Variants in LRMDA observed in about 807,000 individuals in gnomAD.
LRMDA encodes the protein leucine rich melanocyte differentiation associated.
Under a neutral mutation model 29.8 loss-of-function variants are expected in LRMDA, and 18 were observed. The ratio of observed to expected loss-of-function variants is 0.60; its 90% confidence interval spans 0.42 to 0.90. The LOEUF is 0.90. LRMDA is among the 40% of genes least tolerant of loss of function. LRMDA has a pLI of 0.00. For missense variants in LRMDA, 273 were observed against 273.9 expected (o/e 1.00, Z 0.02); for synonymous variants, 125 against 109.4 (o/e 1.14, Z -0.89).
rs138987021 is a variant in LRMDA at position 76,295,522 on chromosome 10, T to C, written c.517-28879T>C. On this transcript the variant is annotated intron_variant, in intron 5 of 6. Transcript: ENST00000611255. The stretch of plus-strand genomic sequence containing the variant: ...ACCTGGATACCAGGCACAGTTTGAG[T>C]TTCTAAAAGTTGAATGAGCTTTCAT... Among the ~76,000 whole-genome samples the C allele has an allele frequency of 6.3e-4, 96 of 152,312 alleles. 1 individual carries two copies. In the East Asian group the frequency reaches 0.018, roughly 28 times the overall value.
chr10:76,349,180 A>G (rs538178018), intron 6 of LRMDA, among the ~76,000 whole-genome samples: 59 of 152,196 alleles, frequency 3.9e-4, no homozygotes, highest in Non-Finnish European at 7.2e-4. Context: ...GAGATGTTCT[A>G]ATTTGTGGGT....
At chr10:75,800,797 A>G (rs1004729672) in intron 2 of LRMDA, among the ~76,000 whole-genome samples, 4 of 152,084 alleles carry the variant, frequency 2.6e-5, no homozygotes, top group African/African-American at 7.2e-5. Flanking sequence ...GTTTCTTTGT[A>G]TATGTAGCAT....
chr10:75,790,082 A>G (rs551040714), intron 2 of LRMDA, among the ~76,000 whole-genome samples: 1 of 152,282 alleles, frequency 6.6e-6, no homozygotes, highest in East Asian at 1.9e-4. Flanking sequence ...AATCACAATG[A>G]AAGAATTATT....
At chr10:75,592,590 A>T (rs1230971150) in intron 2 of LRMDA, among the ~76,000 whole-genome samples, 2 of 151,980 alleles carry the variant, frequency 1.3e-5, no homozygotes, top group Admixed American at 1.3e-4. Flanking sequence ...AACAGAAAAA[A>T]CCACCAAGCA....
chr10:75,869,458 ATCTTTCC>A (rs1845073408), intron 2 of LRMDA, among the ~76,000 whole-genome samples: 1 of 152,206 alleles, frequency 6.6e-6, no homozygotes, highest in Admixed American at 6.5e-5. Flanking sequence ...AGCTCGTCTT[ATCTTTCC>A]ATCCCAGAAT....
At chr10:76,320,146 A>G (rs1232863725) in intron 5 of LRMDA, among the ~76,000 whole-genome samples, 1 of 152,224 alleles carries the variant, frequency 6.6e-6, no homozygotes, top group East Asian at 1.9e-4. Context: ...AATACACTGT[A>G]TGTGCATTGA....
At chr10:75,807,625 C>G (rs930523778) in intron 2 of LRMDA, among the ~76,000 whole-genome samples, 1 of 152,160 alleles carries the variant, frequency 6.6e-6, no homozygotes, top group Non-Finnish European at 1.5e-5. Flanking sequence ...GCTTTTCATT[C>G]AGCTTGACGA....
At chr10:76,360,010 T>C (rs1841292385) in intron 6 of LRMDA, among the ~76,000 whole-genome samples, 1 of 152,142 alleles carries the variant, frequency 6.6e-6, no homozygotes, top group Non-Finnish European at 1.5e-5. Flanking sequence ...TTTTATTTTT[T>C]TGAGACGCAG....
intron 2 of LRMDA, among the ~76,000 whole-genome samples, chr10:76,017,219 G>A (rs541406838): frequency 4.7e-4 from 72 of 152,196 alleles, no homozygotes; most frequent in Non-Finnish European, 8.5e-4. Flanking sequence ...GATCCCGCGC[G>A]AAGGCCAGAG....
chr10:75,808,989 C>T (rs55873517), intron 2 of LRMDA, among the ~76,000 whole-genome samples: 5,258 of 152,274 alleles, frequency 0.035, 252 homozygotes, highest in African/African-American at 0.11. Flanking sequence ...AGTTCCCATC[C>T]CAGCCTCACA....
intron 5 of LRMDA, among the ~76,000 whole-genome samples, chr10:76,240,874 GCACA>G (rs577097678): frequency 1.4e-5 from 2 of 138,738 alleles, no homozygotes; most frequent in African/African-American, 5.3e-5. Context: ...ATATATATAC[GCACA>G]CACACACATA....
chr10:75,441,023 G>A (rs1443276187), intron 2 of LRMDA, among the ~76,000 whole-genome samples: 1 of 146,264 alleles, frequency 6.8e-6, no homozygotes, highest in Admixed American at 6.6e-5. Context: ...GGCAACAAGG[G>A]TGAAACTGTC....
chr10:76,378,885 C>A (rs565757800), intron 6 of LRMDA, among the ~76,000 whole-genome samples: 38 of 94,594 alleles, frequency 4.0e-4, no homozygotes, highest in Non-Finnish European at 6.2e-4. Context: ...GAGACGATGT[C>A]TTGCTCTGTC....
chr10:76,436,219 G>A lies in LRMDA; in HGVS notation c.601+111734G>A, dbSNP rs951464128. Among the ~76,000 whole-genome samples, 26 of 152,168 alleles carry A rather than the reference G, an allele frequency of 1.7e-4. 1 individual carries two copies. In the South Asian group the frequency reaches 1.9e-3, roughly 11 times the overall value. On this transcript the variant is annotated intron_variant, in intron 6 of 6. Coordinates refer to ENST00000611255, the MANE Select transcript of LRMDA (RefSeq NM_001305581.2). ...GTTAGTGAAATAGAGGCTGGCTCCCGCTTCCCACAGTGCTCAGGGACAAAT... is the reference window on the plus strand; with the variant it reads ...GTTAGTGAAATAGAGGCTGGCTCCCACTTCCCACAGTGCTCAGGGACAAAT...
intron 2 of LRMDA, among the ~76,000 whole-genome samples, chr10:76,019,990 C>T (rs1206410529): frequency 6.6e-6 from 1 of 152,180 alleles, no homozygotes; most frequent in Non-Finnish European, 1.5e-5. Flanking sequence ...TGTGGTCACT[C>T]CCCTTGATTC....
At chr10:76,554,601 G>A (rs1564575271) in intron 6 of LRMDA, among the ~76,000 whole-genome samples, 1 of 152,244 alleles carries the variant, frequency 6.6e-6, no homozygotes, top group East Asian at 1.9e-4. Flanking sequence ...AAACATTCTT[G>A]CTTCCAGGCC....
At chr10:76,352,886 C>G (rs543840829) in intron 6 of LRMDA, among the ~76,000 whole-genome samples, 3 of 152,122 alleles carry the variant, frequency 2.0e-5, no homozygotes, top group South Asian at 4.2e-4. Context: ...ACATGCCACT[C>G]GGTACCCTTG....
intron 5 of LRMDA, among the ~76,000 whole-genome samples, chr10:76,284,605 A>G (rs1431995382): frequency 6.6e-6 from 1 of 152,092 alleles, no homozygotes; most frequent in East Asian, 1.9e-4. Flanking sequence ...AGAGAGTTTA[A>G]CCCTGATTTT....
At chr10:75,511,169 C>G (rs1461940025) in intron 2 of LRMDA, among the ~76,000 whole-genome samples, 1 of 151,922 alleles carries the variant, frequency 6.6e-6, no homozygotes, top group Non-Finnish European at 1.5e-5. Context: ...CTCTACAAAA[C>G]AAAAACAAAA....
Sources: gnomAD v4.1 joint callset for allele counts (sites outside exome capture counted in the v4.1 genomes callset) on GRCh38, gnomAD v4.1.1 for gene constraint, MANE v1.5 for transcripts, NCBI Gene and HGNC (gene_info 2026-07-23, HGNC 2026-07-21) for gene names.